Variants in MRPS18B observed in about 807,000 individuals in gnomAD.
The protein encoded by MRPS18B is mitochondrial ribosomal protein S18B.
MRPS18B carries 27 observed loss-of-function variants against 28.4 expected under a neutral mutation model. The observed-to-expected ratio is 0.95, with a 90% confidence interval of 0.70 to 1.31. The LOEUF is 1.31. Ranked by LOEUF, MRPS18B falls within the 40% of genes most tolerant of loss-of-function variation. The probability of loss-of-function intolerance (pLI) is 0.00; values close to 1 mark genes in which losing one functional copy is unlikely to be tolerated. For synonymous variants in MRPS18B, 118 were observed against 123.7 expected (o/e 0.95, Z 0.30); for missense variants, 343 against 335.9 (o/e 1.02, Z -0.17).
At chr6:30,619,436 A>G in intron 1 of MRPS18B, 57 bp from the exon 2 acceptor site, 1 of 1,460,360 alleles carries the variant, frequency 6.8e-7, no homozygotes. Context: ...GTGATAAGCA[A>G]AACAATTTAG....
intron 1 of MRPS18B, among the ~76,000 whole-genome samples, chr6:30,618,268 C>G (rs562341438): frequency 6.6e-6 from 1 of 152,258 alleles, no homozygotes; most frequent in East Asian, 1.9e-4. Flanking sequence ...CCATGCTAAT[C>G]TCTGTATCGT....
chr6:30,625,044 G>A lies in MRPS18B; in HGVS notation c.481+102G>A, dbSNP rs1761416299. On this transcript the variant is annotated intron_variant, in intron 6 of 6. Coordinates refer to ENST00000259873, the MANE Select transcript of MRPS18B (RefSeq NM_014046.4). ...ATGCTCACACCTGTTCAAGATGGTA[G>A]CACCCAGCATGTTCTTCCTGACGTT... is the stretch of plus-strand genomic sequence containing the variant. The A allele has an allele frequency of 9.4e-6, 12 of 1,270,682 alleles. No homozygotes were observed. In the South Asian group the frequency reaches 1.3e-4, roughly 14 times the overall value. 78.7% of individuals were successfully genotyped at this position (1,270,682 alleles called of 1,614,324 possible).
chr6:30,619,603 T>C lies in MRPS18B; in HGVS notation c.187+2T>C. ...CCTGGAAATATCTGGAATCAGAAGGTACCTCTAAAGGGGGAAAGGGAGGGT... is the reference window on the plus strand; with the variant it reads ...CCTGGAAATATCTGGAATCAGAAGGCACCTCTAAAGGGGGAAAGGGAGGGT... On this transcript the variant is annotated splice_donor_variant, in intron 2 of 6. Transcript: ENST00000259873. LOFTEE classifies it high-confidence loss of function. 6.2e-7 allele frequency: 1 copy of C among 1,612,032 alleles called. No individual in the cohort carries two copies. Among genetic ancestry groups the C allele is most frequent in the Non-Finnish European group, 8.5e-7 (1 of 1,179,092 alleles).
intron 4 of MRPS18B, 30 bp downstream of exon 4, chr6:30,620,019 GA>G: frequency 5.0e-6 from 8 of 1,606,402 alleles, no homozygotes; most frequent in Non-Finnish European, 6.8e-6. Context: ...TTTAGGGTAA[GA>G]AAAATAAAGA....
Position 30,625,913 on chromosome 6 carries a change from C to T in MRPS18B, c.*116C>T, listed in dbSNP as rs1761549071. On this transcript the variant is annotated 3_prime_UTR_variant, in exon 7 of 7. Coordinates refer to ENST00000259873, the MANE Select transcript of MRPS18B (RefSeq NM_014046.4). The stretch of plus-strand genomic sequence containing the variant: ...CCCAGGAGTTTGAGACCAGCCTGGG[C>T]ACCATGGTGAAACCTCGTCTTTACC... 1 of 1,161,310 alleles carries T rather than the reference C, an allele frequency of 8.6e-7. No individual in the cohort carries two copies. Among genetic ancestry groups the T allele is most frequent in the Non-Finnish European group, 1.2e-6 (1 of 823,256 alleles). The allele number at this position is 1,161,310 out of a possible 1,614,324, so 71.9% of individuals were successfully genotyped here. A position where few individuals can be genotyped will look rare whatever the true frequency, so the allele number is the denominator to read the frequency against.
At chr6:30,618,472 C>G (rs1397587230) in intron 1 of MRPS18B, 1 of 154,438 alleles carries the variant, frequency 6.5e-6, no homozygotes, top group African/African-American at 2.4e-5. Flanking sequence ...TCTCAGCTCT[C>G]TTTATTAAAT....
In MRPS18B at chr6:30,619,807, G is replaced by T. The variant is rs753463798; in HGVS notation, c.285+1G>T. 1 of 1,614,014 alleles carries T rather than the reference G, an allele frequency of 6.2e-7. No homozygotes were observed. The highest frequency in any genetic ancestry group is 1.1e-5 in the South Asian group (1 of 91,080). ...ACAGCGGACTCGGAAGACATGTATT[G>T]TGAGTTTCTGAGAGTGGGATGTGGA... is the stretch of plus-strand genomic sequence containing the variant. On this transcript the variant is annotated splice_donor_variant, in intron 3 of 6. Transcript: ENST00000259873. LOFTEE classifies it high-confidence loss of function.
intron 1 of MRPS18B, 144 bp downstream of exon 1, chr6:30,618,087 C>CA (rs1554134994): frequency 1.3e-5 from 10 of 785,922 alleles, no homozygotes; most frequent in South Asian, 8.2e-5. Context: ...ACCCCCCCCC[C>CA]ACACCCCGCG....
intron 4 of MRPS18B, 99 bp from the exon 5 acceptor site, chr6:30,622,733 C>CCAT: frequency 9.0e-7 from 1 of 1,109,482 alleles, no homozygotes; most frequent in South Asian, 1.3e-5. Flanking sequence ...TGAAGGTGGT[C>CCAT]CATGTGGGTG....
chr6:30,619,463 ATT>A, intron 1 of MRPS18B, 28 bp from the exon 2 acceptor site: 1 of 1,574,732 alleles, frequency 6.4e-7, no homozygotes, highest in South Asian at 1.1e-5. Flanking sequence ...CCTTAAACTC[ATT>A]CTTTTATTTT....
In MRPS18B at chr6:30,624,888, TG is replaced by T; in HGVS notation, c.428del (p.Cys143LeufsTer2). ...IIFYAPYTGV[C>X]VKQHKRLTQA... ...AGATATTTTTCTCCCCACAGGAGTC[TG>T]TGTGAAGCAGCACAAGCGGTTGACC... On this transcript the variant is annotated frameshift_variant, in exon 6 of 7. Coordinates refer to ENST00000259873, the MANE Select transcript of MRPS18B (RefSeq NM_014046.4). LOFTEE classifies it high-confidence loss of function. 6.2e-7 allele frequency: 1 copy of T among 1,613,038 alleles called. No individual in the cohort carries two copies. The highest frequency in any genetic ancestry group is 8.5e-7 in the Non-Finnish European group (1 of 1,179,940).
Position 30,622,906 on chromosome 6 carries a change from C to T in MRPS18B, c.421+8C>T, listed in dbSNP as rs762313116. The T allele has an allele frequency of 1.9e-6, 3 of 1,612,528 alleles. No individual in the cohort carries two copies. The highest frequency in any genetic ancestry group is 1.7e-6 in the Non-Finnish European group (2 of 1,179,544). On this transcript the variant is annotated splice_region_variant and intron_variant, in intron 5 of 6. Transcript: ENST00000259873. ...TCTATGCTCCATACACAGGTTAGCC[C>T]ATCATCCCTGCACCACCAGAGAGCT...
At chr6:30,624,747 T>A (rs186517286) in intron 5 of MRPS18B, 136 bp from the exon 6 acceptor site, 2 of 818,462 alleles carry the variant, frequency 2.4e-6, no homozygotes, top group South Asian at 3.9e-5. Context: ...GAAACTGAGG[T>A]CCATGGAGGG....
chr6:30,618,137 AG>A (rs1031260301), intron 1 of MRPS18B, among the ~76,000 whole-genome samples, 194 bp downstream of exon 1: 5 of 147,108 alleles, frequency 3.4e-5, no homozygotes, highest in African/African-American at 1.3e-4. Flanking sequence ...CGCCAGGGTT[AG>A]GTATCATCCT....
chr6:30,618,378 T>TG (rs1425618203), intron 1 of MRPS18B, among the ~76,000 whole-genome samples: 1 of 152,330 alleles, frequency 6.6e-6, no homozygotes, highest in Admixed American at 6.5e-5. Context: ...GGAATGTCCT[T>TG]GGGGAAATTA....
chr6:30,619,084 A>C (rs1360344960), intron 1 of MRPS18B, among the ~76,000 whole-genome samples: 1 of 151,966 alleles, frequency 6.6e-6, no homozygotes, highest in Non-Finnish European at 1.5e-5. Context: ...CGCCGAACTA[A>C]TTTTTGTATT....
Position 30,619,612 on chromosome 6 carries a change from A to C in MRPS18B, c.187+11A>C. 6.2e-7 allele frequency: 1 copy of C among 1,611,246 alleles called. No homozygotes were observed. Among genetic ancestry groups the C allele is most frequent in the Non-Finnish European group, 8.5e-7 (1 of 1,178,342 alleles). ...ATCTGGAATCAGAAGGTACCTCTAAAGGGGGAAAGGGAGGGTCAGATAGGA... is the reference window on the plus strand; with the variant it reads ...ATCTGGAATCAGAAGGTACCTCTAACGGGGGAAAGGGAGGGTCAGATAGGA... On this transcript the variant is annotated intron_variant, in intron 2 of 6. Transcript: ENST00000259873.
Position 30,624,922 on chromosome 6 carries a change from TC to T in MRPS18B, c.463del (p.Gln155ArgfsTer30). The T allele has an allele frequency of 6.2e-7, 1 of 1,613,032 alleles. No individual in the cohort carries two copies. The highest frequency in any genetic ancestry group is 1.7e-5 in the Admixed American group (1 of 60,000). On this transcript the variant is annotated frameshift_variant, in exon 6 of 7. Transcript: ENST00000259873. LOFTEE classifies it high-confidence loss of function. Reference protein sequence around the residue: ...VKQHKRLTQAIQKARDHGLLI... With the variant: ...VKQHKRLTQAXQKARDHGLLI... ...CAGCACAAGCGGTTGACCCAGGCCA[TC>T]CAGAAAGCCAGGGATCATGGTGAGC...
At chr6:30,620,106 A>G in intron 4 of MRPS18B, 117 bp downstream of exon 4, 1 of 915,414 alleles carries the variant, frequency 1.1e-6, no homozygotes, top group Non-Finnish European at 1.8e-6. Flanking sequence ...TCATGAGGTC[A>G]GGAGATCAAG....
Sources: allele counts gnomAD v4.1 joint callset (sites outside exome capture counted in the v4.1 genomes callset), GRCh38; gene constraint gnomAD v4.1.1; transcripts MANE v1.5; gene names NCBI Gene and HGNC (gene_info 2026-07-23, HGNC 2026-07-21).